SNTG2: variants seen among roughly 807,000 people sequenced by gnomAD.
SNTG2 encodes gamma-2-syntrophin.
In SNTG2, 74 loss-of-function variants were observed where a neutral mutation model predicts 70.9. That is an observed-to-expected ratio of 1.04 (90% CI 0.86 to 1.27). The LOEUF (loss-of-function observed/expected upper bound fraction) is 1.27. SNTG2 is among the 50% of genes most tolerant of loss of function. The pLI, the probability that SNTG2 is intolerant of heterozygous loss-of-function variation, is 0.00. For missense variants in SNTG2, 717 were observed against 690.7 expected, an observed-to-expected ratio of 1.04 and a Z score of -0.43; for synonymous variants, 278 against 273.8, an observed-to-expected ratio of 1.02 and a Z score of -0.15.
At chr2:971,565 A>G (rs1293074865) in intron 1 of SNTG2, among the ~76,000 whole-genome samples, 1 of 151,782 alleles carries the variant, frequency 6.6e-6, no homozygotes, top group Non-Finnish European at 1.5e-5. Context: ...TAGTCTGGCT[A>G]GCAGTATATC....
intron 6 of SNTG2, among the ~76,000 whole-genome samples, chr2:1,157,063 G>C (rs1183610113): frequency 1.3e-5 from 2 of 152,156 alleles, no homozygotes; most frequent in Admixed American, 1.3e-4. Flanking sequence ...GATTCACTCA[G>C]CATACCCCAT....
chr2:976,865 C>T (rs1660922120), intron 1 of SNTG2, among the ~76,000 whole-genome samples: 1 of 152,280 alleles, frequency 6.6e-6, no homozygotes, highest in South Asian at 2.1e-4. Context: ...CCCCCATCTT[C>T]CAGATTTGCT....
intron 1 of SNTG2, among the ~76,000 whole-genome samples, chr2:1,072,369 A>G (rs1264339583): frequency 7.2e-5 from 6 of 83,302 alleles, no homozygotes; most frequent in Admixed American, 3.1e-4. Flanking sequence ...TTTTTTTACC[A>G]TTCTGAAAAT....
intron 4 of SNTG2, among the ~76,000 whole-genome samples, chr2:1,128,939 G>T (rs1170376656): frequency 2.0e-5 from 3 of 152,114 alleles, no homozygotes; most frequent in Non-Finnish European, 2.9e-5. Flanking sequence ...AAACAATTCA[G>T]TTTATGATTA....
intron 14 of SNTG2, among the ~76,000 whole-genome samples, chr2:1,281,225 GTTTA>G (rs1364568668): frequency 2.4e-3 from 101 of 42,768 alleles, no homozygotes; most frequent in South Asian, 3.3e-3. Flanking sequence ...GTGTGTTTGT[GTTTA>G]TGTGGTGTGG....
At chr2:1,332,997 T>C (rs1260137420) in intron 16 of SNTG2, among the ~76,000 whole-genome samples, 1 of 152,142 alleles carries the variant, frequency 6.6e-6, no homozygotes, top group Non-Finnish European at 1.5e-5. Context: ...TCTAAAATTT[T>C]GAAGAGGAGG....
At chr2:1,294,460 CAG>C (rs550585019) in intron 14 of SNTG2, among the ~76,000 whole-genome samples, 7 of 152,328 alleles carry the variant, frequency 4.6e-5, no homozygotes, top group African/African-American at 1.2e-4. Context: ...ATCTGAAAAA[CAG>C]AGATTTAGCT....
chr2:1,342,331 G>A (rs562220708), intron 16 of SNTG2, among the ~76,000 whole-genome samples: 2 of 113,078 alleles, frequency 1.8e-5, no homozygotes, highest in African/African-American at 7.6e-5. Context: ...TGGGAAGCAG[G>A]ACATGCATAG....
intron 8 of SNTG2, among the ~76,000 whole-genome samples, chr2:1,207,176 C>T (rs974115161): frequency 6.6e-6 from 1 of 152,192 alleles, no homozygotes; most frequent in African/African-American, 2.4e-5. Context: ...ATATGAAATA[C>T]ACATCAGGTG....
At chr2:1,019,539 G>C (rs1442158770) in intron 1 of SNTG2, among the ~76,000 whole-genome samples, 2 of 152,140 alleles carry the variant, frequency 1.3e-5, no homozygotes, top group African/African-American at 2.4e-5. Context: ...GGTCAAAGTG[G>C]CTCCAAGCTT....
chr2:1,040,426 T>G (rs935296689), intron 1 of SNTG2, among the ~76,000 whole-genome samples: 6 of 152,056 alleles, frequency 3.9e-5, no homozygotes, highest in African/African-American at 1.4e-4. Context: ...GCTTTCCCCT[T>G]CCCGCCACCT....
chr2:977,560 C>T (rs1660948906), intron 1 of SNTG2, among the ~76,000 whole-genome samples: 1 of 152,154 alleles, frequency 6.6e-6, no homozygotes, highest in Admixed American at 6.5e-5. Flanking sequence ...ATAAAATAAC[C>T]GACAGCTTCC....
At position 950,887 on chromosome 2, in the gene SNTG2, G is replaced by GAGGGGC. The variant is rs1659928555; in HGVS notation, c.-109_-104dup. 1 of 392,824 alleles carries GAGGGGC rather than the reference G, an allele frequency of 2.5e-6. No individual in the cohort carries two copies. Among genetic ancestry groups the GAGGGGC allele is most frequent in the Non-Finnish European group, 3.9e-6 (1 of 254,610 alleles). 24.3% of individuals were successfully genotyped at this position (392,824 alleles called of 1,614,324 possible). On this transcript the variant is annotated 5_prime_UTR_variant, in exon 1 of 17. Transcript: ENST00000308624. ...GGTGGAGCCCGAGCCGGAGCCGGCA[G>GAGGGGC]AGGGGCGCGGGCGCGGACGCGGCGC...
chr2:1,032,389 A>G (rs1005722652), intron 1 of SNTG2, among the ~76,000 whole-genome samples: 1 of 152,210 alleles, frequency 6.6e-6, no homozygotes, highest in Non-Finnish European at 1.5e-5. Context: ...ACGCACGCAC[A>G]TATATCAGGA....
chr2:953,581 TTA>T (rs1660049150), intron 1 of SNTG2, among the ~76,000 whole-genome samples: 1 of 152,244 alleles, frequency 6.6e-6, no homozygotes, highest in Non-Finnish European at 1.5e-5. Flanking sequence ...TATGCTTTGG[TTA>T]TGTTTCTCAT....
chr2:1,364,143 A>T (rs113881367), intron 16 of SNTG2, among the ~76,000 whole-genome samples: 108,150 of 148,428 alleles, frequency 0.73, 39,305 homozygotes, highest in East Asian at 0.94. Context: ...GTTAATTTTT[A>T]GTATTTTTTT....
intron 9 of SNTG2, among the ~76,000 whole-genome samples, chr2:1,235,170 C>T (rs575435742): frequency 2.1e-4 from 26 of 125,476 alleles, no homozygotes; most frequent in African/African-American, 6.3e-4. Flanking sequence ...TGAGAGGGGG[C>T]GCCCCTACCC....
At chr2:1,084,377 G>T (rs1664543279) in intron 2 of SNTG2, among the ~76,000 whole-genome samples, 1 of 152,218 alleles carries the variant, frequency 6.6e-6, no homozygotes, top group African/African-American at 2.4e-5. Context: ...TTCTGCTGTT[G>T]ATGTGTATCG....
chr2:1,078,556 G>A (rs901026186), intron 1 of SNTG2, among the ~76,000 whole-genome samples: 2 of 152,116 alleles, frequency 1.3e-5, no homozygotes, highest in Non-Finnish European at 2.9e-5. Context: ...GCTGGACAGG[G>A]GACAGGGAGA....
Sources: allele counts gnomAD v4.1 joint callset (sites outside exome capture counted in the v4.1 genomes callset), GRCh38; gene constraint gnomAD v4.1.1; transcripts MANE v1.5; gene names NCBI Gene and HGNC (gene_info 2026-07-23, HGNC 2026-07-21).